The following WNT9B variants were observed in gnomAD, a reference collection of about 807,000 sequenced individuals.
WNT9B encodes the protein protein Wnt-9b.
WNT9B carries 12 observed loss-of-function variants against 30.2 expected under a neutral mutation model. That is an observed-to-expected ratio of 0.40 (90% CI 0.26 to 0.64). WNT9B has a LOEUF of 0.64. Ranked by LOEUF, WNT9B falls within the 30% of genes least tolerant of loss-of-function variation. The pLI is 0.42. For synonymous variants in WNT9B, 218 were observed against 216.9 expected, an observed-to-expected ratio of 1.01 and a Z score of -0.05; for missense variants, 442 against 485.2, an observed-to-expected ratio of 0.91 and a Z score of 0.84.
chr17:46,839,577 C>T (rs193216405), intron 1 of WNT9B, among the ~76,000 whole-genome samples: 54 of 152,246 alleles, frequency 3.5e-4, no homozygotes, highest in African/African-American at 7.5e-4. Context: ...TACATGTGCA[C>T]AATGTGCAGG....
chr17:46,870,745 A>G (rs2085227929), intron 1 of WNT9B, among the ~76,000 whole-genome samples: 2 of 152,132 alleles, frequency 1.3e-5, no homozygotes, highest in African/African-American at 4.8e-5. Context: ...AGGTGACTCC[A>G]AAGAGGAGAG....
intron 3 of WNT9B, among the ~76,000 whole-genome samples, chr17:46,875,873 T>C (rs559796682): frequency 1.2e-4 from 18 of 152,292 alleles, no homozygotes; most frequent in Admixed American, 9.8e-4. Context: ...GGGAGGAGGC[T>C]GGGAGACACC....
At chr17:46,885,092 G>A (rs145757598), downstream of WNT9B, 379 of 436,620 alleles carry the variant, frequency 8.7e-4, 2 homozygotes, top group African/African-American at 5.8e-3. Context: ...GGATTCAAGC[G>A]ATTCTCCCGT....
intron 1 of WNT9B, among the ~76,000 whole-genome samples, chr17:46,865,010 C>T (rs80326830): frequency 0.019 from 2,951 of 152,272 alleles, 90 homozygotes; most frequent in African/African-American, 0.068. Context: ...TAGATGTTTA[C>T]AGTCACAGAC....
Position 46,878,286 on chromosome 17 carries a change from A to G in WNT9B, c.*1568A>G, listed in dbSNP as rs2085376405. Among the ~76,000 whole-genome samples, 1 of 152,204 alleles carries G rather than the reference A, an allele frequency of 6.6e-6. No individual in the cohort carries two copies. The highest frequency in any genetic ancestry group is 1.5e-5 in the Non-Finnish European group (1 of 68,032). ...GTTGCTGACCCTTCACCAACACAGG[A>G]AATTTCAGAATCAGCTGAATGCTCA... On this transcript the variant is annotated 3_prime_UTR_variant, in exon 4 of 4. Coordinates refer to ENST00000290015, the MANE Select transcript of WNT9B (RefSeq NM_003396.3).
Position 46,877,354 on chromosome 17 carries a change from C to T in WNT9B, c.*636C>T, listed in dbSNP as rs1019264199. 1.3e-5 allele frequency among the ~76,000 whole-genome samples: 2 copies of T among 152,216 alleles called. No homozygotes were observed. The highest frequency in any genetic ancestry group is 2.9e-5 in the Non-Finnish European group (2 of 68,038). On this transcript the variant is annotated 3_prime_UTR_variant, in exon 4 of 4. Transcript: ENST00000290015. ...TGAGTGGACCCGAGTGAGATCTGTGCCCTGGAGCCCTGTGTCCTTGATTTG... is the reference window on the plus strand; with the variant it reads ...TGAGTGGACCCGAGTGAGATCTGTGTCCTGGAGCCCTGTGTCCTTGATTTG...
chr17:46,867,482 C>A (rs2085158943), intron 1 of WNT9B, among the ~76,000 whole-genome samples: 1 of 152,224 alleles, frequency 6.6e-6, no homozygotes, highest in South Asian at 2.1e-4. Flanking sequence ...AGACCTAGGA[C>A]CAGACTACCT....
At chr17:46,837,922 G>A (rs1406064936) in intron 1 of WNT9B, among the ~76,000 whole-genome samples, 4 of 152,114 alleles carry the variant, frequency 2.6e-5, no homozygotes, top group Non-Finnish European at 5.9e-5. Flanking sequence ...GGAGGAGGAG[G>A]GACCTCTTTC....
Position 46,876,475 on chromosome 17 carries a change from G to C in WNT9B, c.831G>C (p.Arg277Ser), listed in dbSNP as rs766108370. 1 of 1,613,676 alleles carries C rather than the reference G, an allele frequency of 6.2e-7. No individual in the cohort carries two copies. The highest frequency in any genetic ancestry group is 2.2e-5 in the East Asian group (1 of 44,882). Residue 277 changes from arginine to serine, a missense_variant, in exon 4 of 4, where the codon AGG becomes AGC. Coordinates refer to ENST00000290015, the MANE Select transcript of WNT9B (RefSeq NM_003396.3). The stretch of plus-strand genomic sequence containing the variant: ...GCCTCACCAAAGGCCTGGCCCCAAG[G>C]TCTGGGGACCTGGTGTACATGGAGG... ...QGSLTKGLAP[R>S]SGDLVYMEDS... is the part of the protein sequence containing the mutation.
At chr17:46,847,815 G>A (rs967520025), upstream of WNT9B, among the ~76,000 whole-genome samples, 2 of 152,246 alleles carry the variant, frequency 1.3e-5, no homozygotes, top group African/African-American at 4.8e-5. Context: ...GCCAACCAAA[G>A]GCGGATGGTT....
intron 1 of WNT9B, among the ~76,000 whole-genome samples, chr17:46,853,363 CTTTTTTTTTTTTTTTT>C (rs35252647): frequency 5.1e-5 from 4 of 78,896 alleles, no homozygotes; most frequent in Non-Finnish European, 9.0e-5. Context: ...ATGCTAGTGA[CTTTTTTTTTTTTTTTT>C]TTTTTTTTTT....
chr17:46,843,454 G>C (rs1011487186), intron 1 of WNT9B, among the ~76,000 whole-genome samples: 2 of 152,080 alleles, frequency 1.3e-5, no homozygotes, highest in South Asian at 2.1e-4. Context: ...AAATCACTCT[G>C]CAAAATCCAG....
In WNT9B at chr17:46,851,672, C is replaced by T. The variant is rs1444167754; in HGVS notation, c.34C>T (p.Leu12Phe). 6 of 1,309,780 alleles carry T rather than the reference C, an allele frequency of 4.6e-6. No homozygotes were observed. In the African/African-American group the frequency reaches 6.2e-5, roughly 13 times the overall value. 81.1% of individuals were successfully genotyped at this position (1,309,780 alleles called of 1,614,324 possible). The change falls in exon 1 of 4, where the codon CTC (leucine) becomes TTC (phenylalanine). Residue 12 changes from leucine to phenylalanine, a missense_variant. Transcript: ENST00000290015. The surrounding 1 kb of genome is among the most constrained non-coding windows in gnomAD (Gnocchi z 4.3). ...CCCGCCCGCGCTGGCCCTGGCCGGG[C>T]TCTGCCTGCTGGCGCTGCCCGCCGC... ...RPPPALALAG[L>F]CLLALPAAAA...
chr17:46,852,325 A>C (rs2084864271), intron 1 of WNT9B, among the ~76,000 whole-genome samples: 1 of 151,390 alleles, frequency 6.6e-6, no homozygotes, highest in South Asian at 2.1e-4. Flanking sequence ...GGGAAATGCG[A>C]CCACATCTCA....
At position 46,875,339 on chromosome 17, in the gene WNT9B, C is replaced by T. The variant is rs142428656; in HGVS notation, c.573C>T (p.Asp191=). The change falls in exon 3 of 4, where the codon GAC becomes GAT. Residue 191 remains aspartate (D), a synonymous_variant. Coordinates refer to ENST00000290015, the MANE Select transcript of WNT9B (RefSeq NM_003396.3). ...RGNKDLRARA[D]AHNTHVGIKA... ...ACAAGGACCTGCGGGCACGGGCAGACGCCCACAATACCCACGTGGGCATCA... is the reference window on the plus strand; with the variant it reads ...ACAAGGACCTGCGGGCACGGGCAGATGCCCACAATACCCACGTGGGCATCA... 1.9e-4 allele frequency: 306 copies of T among 1,610,756 alleles called. 1 individual carries two copies. The African/African-American group carries it at 2.3e-3, about 12-fold the overall frequency.
At chr17:46,863,817 C>T (rs1352326399) in intron 1 of WNT9B, among the ~76,000 whole-genome samples, 3 of 152,066 alleles carry the variant, frequency 2.0e-5, no homozygotes, top group Non-Finnish European at 4.4e-5. Flanking sequence ...TTAGGACAGT[C>T]CTAGTGGTTC....
intron 1 of WNT9B, among the ~76,000 whole-genome samples, chr17:46,842,599 C>T (rs1284094261): frequency 6.6e-6 from 1 of 152,160 alleles, no homozygotes; most frequent in Non-Finnish European, 1.5e-5. Context: ...TCTCGAACTC[C>T]TGGGCTCAAG....
In WNT9B at chr17:46,879,538, C is replaced by A. The variant is rs756950505; in HGVS notation, c.*2820C>A. ...TGCTATTTAGAAACAAAAACTTTTA[C>A]CCCTTTCATCTCACTTGATTTCTCC... On this transcript the variant is annotated 3_prime_UTR_variant, in exon 4 of 4. Transcript: ENST00000290015. Among the ~76,000 whole-genome samples, 1 of 152,250 alleles carries A rather than the reference C, an allele frequency of 6.6e-6. No individual in the cohort carries two copies. The highest frequency in any genetic ancestry group is 2.1e-4 in the South Asian group (1 of 4,832).
intron 1 of WNT9B, among the ~76,000 whole-genome samples, chr17:46,846,427 G>A (rs58287249): frequency 0.083 from 12,622 of 152,280 alleles, 598 homozygotes; most frequent in Non-Finnish European, 0.1. Context: ...AGATCTTGAG[G>A]TGTCTGCAGT....
Sources: allele counts gnomAD v4.1 joint callset (sites outside exome capture counted in the v4.1 genomes callset), GRCh38; gene constraint gnomAD v4.1.1; non-coding constraint Gnocchi (gnomAD v3.1); transcripts MANE v1.5; gene names NCBI Gene and HGNC (gene_info 2026-07-23, HGNC 2026-07-21).